ZNF283: variants seen among roughly 807,000 people sequenced by gnomAD.
ZNF283 encodes zinc finger protein 283.
A neutral mutation model predicts 9.2 loss-of-function variants in ZNF283; 10 were observed. The ratio of observed to expected loss-of-function variants is 1.09; its 90% CI spans 0.67 to 1.85. The LOEUF (loss-of-function observed/expected upper bound fraction) is 1.85. ZNF283 is among the 40% of genes most tolerant of loss of function. The probability of loss-of-function intolerance (pLI) is 0.00; values close to 1 mark genes in which losing one functional copy is unlikely to be tolerated. For missense variants in ZNF283, 631 were observed against 760.1 expected, an observed-to-expected ratio of 0.83 and a Z score of 2.00; for synonymous variants, 234 against 244.1, an observed-to-expected ratio of 0.96 and a Z score of 0.38.
chr19:43,839,782 A>G (rs553281247), intron 6 of ZNF283, among the ~76,000 whole-genome samples: 8 of 151,850 alleles, frequency 5.3e-5, no homozygotes, highest in Non-Finnish European at 8.8e-5. Flanking sequence ...TATAATTTCT[A>G]TCCTTTTATT....
At chr19:43,829,652 G>T (rs1193983387) in intron 2 of ZNF283, among the ~76,000 whole-genome samples, 1 of 152,160 alleles carries the variant, frequency 6.6e-6, no homozygotes, top group African/African-American at 2.4e-5. Flanking sequence ...GGCTCTTCTA[G>T]ATTATTTCCC....
chr19:43,842,185 A>G (rs1971239420), intron 6 of ZNF283, among the ~76,000 whole-genome samples: 1 of 151,620 alleles, frequency 6.6e-6, no homozygotes, highest in Non-Finnish European at 1.5e-5. Context: ...TACTCTTTGT[A>G]CTTCAGTTTG....
In ZNF283 at chr19:43,848,091, G is replaced by T. The variant is rs747293935; in HGVS notation, c.1490G>T (p.Cys497Phe). The change falls in exon 7 of 7, where the codon TGT becomes TTT. Residue 497 changes from cysteine to phenylalanine, a missense_variant. This residue lies in a region of ZNF283 where 444 missense variants were observed against 522.5 expected (regional missense o/e 0.85). Transcript: ENST00000618787. ...TGTAAAGAATGCGGAAAGACCTTTTGTAGTGGGTATCAACTTACTCGACAT... is the reference window on the plus strand; with the variant it reads ...TGTAAAGAATGCGGAAAGACCTTTTTTAGTGGGTATCAACTTACTCGACAT... The part of the protein sequence containing the change: ...HECKECGKTF[C>F]SGYQLTRHQV... 2 of 1,613,218 alleles carry T rather than the reference G, an allele frequency of 1.2e-6. No individual in the cohort carries two copies. The highest frequency in any genetic ancestry group is 1.7e-6 in the Non-Finnish European group (2 of 1,179,736).
At chr19:43,835,037 T>C (rs1415425977) in intron 4 of ZNF283, among the ~76,000 whole-genome samples, 1 of 152,238 alleles carries the variant, frequency 6.6e-6, no homozygotes, top group African/African-American at 2.4e-5. Context: ...TATATCTTGA[T>C]TATTTCCCTA....
At chr19:43,834,442 T>C (rs1231662257) in intron 4 of ZNF283, among the ~76,000 whole-genome samples, 1 of 151,662 alleles carries the variant, frequency 6.6e-6, no homozygotes, top group Non-Finnish European at 1.5e-5. Flanking sequence ...AGGCAAGACA[T>C]AGGCATATGT....
rs202229055 is a variant in ZNF283, at chr19:43,837,035, A to G, written c.211-18A>G. 7.4e-6 allele frequency: 12 copies of G among 1,612,962 alleles called. No individual in the cohort carries two copies. The highest frequency in any genetic ancestry group is 1.0e-5 in the Non-Finnish European group (12 of 1,179,724). ...TTTTCTTTAATTTCACAAGTAATAC[A>G]TGGGTTTTTGGTTTTAGGGGTTGGT... On this transcript the variant is annotated intron_variant, in intron 5 of 6. Coordinates refer to ENST00000618787, the MANE Select transcript of ZNF283 (RefSeq NM_181845.2).
rs1363443005 is a variant in ZNF283, at chr19:43,830,482, A to G, written c.-64-836A>G. On this transcript the variant is annotated intron_variant, in intron 2 of 6. Coordinates refer to ENST00000618787, the MANE Select transcript of ZNF283 (RefSeq NM_181845.2). ...ACTAAATTTTTGTAAATATGTGTAAATGTGTTTTTTTAAGTGGGCAAAGTG... is the reference window on the plus strand; with the variant it reads ...ACTAAATTTTTGTAAATATGTGTAAGTGTGTTTTTTTAAGTGGGCAAAGTG... Among the ~76,000 whole-genome samples the G allele has an allele frequency of 3.9e-5, 6 of 152,142 alleles. No individual in the cohort carries two copies. In the East Asian group the frequency reaches 1.2e-3, roughly 29 times the overall value.
Position 43,850,953 on chromosome 19 carries a change from ATGTC to A in ZNF283, c.*2316_*2319del, listed in dbSNP as rs1290661233. ...TCAGAACTAATGCATTGATAACTAA[ATGTC>A]TGTGGTTCCTTGTCATAGGTCTACA... On this transcript the variant is annotated 3_prime_UTR_variant, in exon 7 of 7. Transcript: ENST00000618787. 1.3e-5 allele frequency: 2 copies of A among 152,170 alleles called. No individual in the cohort carries two copies. Among genetic ancestry groups the A allele is most frequent in the Non-Finnish European group, 2.9e-5 (2 of 68,030 alleles). The allele number at this position is 152,170 out of a possible 1,614,324, so 9.4% of individuals were successfully genotyped here. A position where few individuals can be genotyped will look rare whatever the true frequency, so the allele number is the denominator to read the frequency against.
intron 6 of ZNF283, among the ~76,000 whole-genome samples, chr19:43,842,424 TG>T (rs2146568360): frequency 6.6e-6 from 1 of 152,306 alleles, no homozygotes; most frequent in East Asian, 1.9e-4. Context: ...TACTGGCCAT[TG>T]TAGATGCCAT....
intron 2 of ZNF283, among the ~76,000 whole-genome samples, chr19:43,828,916 C>G (rs993811154): frequency 6.6e-6 from 1 of 152,124 alleles, no homozygotes; most frequent in East Asian, 1.9e-4. Flanking sequence ...CTTTGTGAGG[C>G]TTTTAGGGGT....
chr19:43,846,813 GA>G (rs1971415668), intron 6 of ZNF283, 125 bp from the exon 7 acceptor site: 4 of 629,548 alleles, frequency 6.4e-6, no homozygotes, highest in African/African-American at 5.6e-5. Context: ...TTTAACAAGG[GA>G]GTGCCTTAAT....
At chr19:43,834,912 T>C (rs1970896652) in intron 4 of ZNF283, among the ~76,000 whole-genome samples, 1 of 152,202 alleles carries the variant, frequency 6.6e-6, no homozygotes, top group Non-Finnish European at 1.5e-5. Context: ...TCTTGAGATG[T>C]ATAACTTTCT....
In ZNF283 at chr19:43,847,056, C is replaced by A. The variant is rs1286034120; in HGVS notation, c.455C>A (p.Ser152Tyr). 1.2e-6 allele frequency: 2 copies of A among 1,612,304 alleles called. No homozygotes were observed. The highest frequency in any genetic ancestry group is 2.7e-5 in the African/African-American group (2 of 74,866). ...DKSKTLGLEA[S>Y]IFRNNWKCKS... ...AGTAAAACCCTTGGCCTTGAGGCAT[C>A]CATCTTCAGAAATAATTGGAAGTGC... Residue 152 changes from serine to tyrosine, a missense_variant, in exon 7 of 7, where the codon TCC becomes TAC. This residue lies in a region of ZNF283 where 184 missense variants were observed against 220.0 expected (regional missense o/e 0.84). Transcript: ENST00000618787.
At chr19:43,840,509 C>A (rs1455108020) in intron 6 of ZNF283, among the ~76,000 whole-genome samples, 1 of 152,148 alleles carries the variant, frequency 6.6e-6, no homozygotes, top group Admixed American at 6.5e-5. Context: ...GCATTCCAGG[C>A]ACATAGGCCT....
In ZNF283 at chr19:43,847,289, A is replaced by G; in HGVS notation, c.688A>G (p.Thr230Ala). 3 of 1,613,922 alleles carry G rather than the reference A, an allele frequency of 1.9e-6. No individual in the cohort carries two copies. Among genetic ancestry groups the G allele is most frequent in the Non-Finnish European group, 2.5e-6 (3 of 1,179,856 alleles). ...SKLVQHERTH[T>A]AEKHFECKEC... The stretch of plus-strand genomic sequence containing the variant: ...ACTTGTTCAACATGAGAGAACTCAT[A>G]CAGCTGAAAAACACTTTGAATGTAA... The change falls in exon 7 of 7, where the codon ACA becomes GCA. Residue 230 changes from threonine (T) to alanine (A), a missense_variant. This residue lies in a region of ZNF283 where 184 missense variants were observed against 220.0 expected (regional missense o/e 0.84). Transcript: ENST00000618787.
rs71907168 is a variant in ZNF283, at chr19:43,847,014, GGGAGAT to G, written c.415_420del (p.Glu139_Met140del). 664,735 of 1,601,886 alleles carry G rather than the reference GGGAGAT, an allele frequency of 0.41. 141,206 individuals are homozygous for G. Among genetic ancestry groups the G allele is most frequent in the South Asian group, 0.56 (49,686 of 88,816 alleles). On this transcript the variant is annotated inframe_deletion, in exon 7 of 7. Coordinates refer to ENST00000618787, the MANE Select transcript of ZNF283 (RefSeq NM_181845.2). ...ATTTTTGAAATAAATTTTTCCCAGT[GGGAGAT>G]GAAGGACAAAAGTAAAACCCTTGGC...
At chr19:43,828,060 C>T (rs1195899784) in intron 1 of ZNF283, 142 bp from the exon 2 acceptor site, 1 of 152,176 alleles carries the variant, frequency 6.6e-6, no homozygotes, top group Non-Finnish European at 1.5e-5. Flanking sequence ...CAGACTCTAG[C>T]CTCCCTTTTC....
At position 43,848,193 on chromosome 19, in the gene ZNF283, T is replaced by C. The variant is rs1434929179; in HGVS notation, c.1592T>C (p.Val531Ala). ...GCTTTTAATTGTGGATCAAGCCTTG[T>C]TCAACATGAAAGAATCCATACAGGG... ...GKAFNCGSSL[V>A]QHERIHTGEK... is the part of the protein sequence containing the mutation. The change falls in exon 7 of 7, where the codon GTT (valine) becomes GCT (alanine). Residue 531 changes from valine to alanine, a missense_variant. By Grantham distance (64) the Val-to-Ala change is moderately conservative. Around this residue, in one of 3 missense-constraint regions of ZNF283, gnomAD observed 444 missense variants for 522.5 expected, o/e 0.85. Coordinates refer to ENST00000618787, the MANE Select transcript of ZNF283 (RefSeq NM_181845.2). 6 of 1,613,312 alleles carry C rather than the reference T, an allele frequency of 3.7e-6. No individual in the cohort carries two copies. In the Admixed American group the frequency reaches 8.3e-5, roughly 22 times the overall value.
chr19:43,835,421 G>A, intron 4 of ZNF283, 84 bp from the exon 5 acceptor site: 1 of 860,924 alleles, frequency 1.2e-6, no homozygotes, highest in Non-Finnish European at 1.9e-6. Flanking sequence ...AGCAGGCATG[G>A]AGAAGATAAG....
Sources: allele counts gnomAD v4.1 joint callset (sites outside exome capture counted in the v4.1 genomes callset), GRCh38; gene constraint gnomAD v4.1.1; regional missense constraint gnomAD v4.1.1; transcripts MANE v1.5; gene names NCBI Gene and HGNC (gene_info 2026-07-23, HGNC 2026-07-21).